DMD: variants seen among roughly 807,000 people sequenced by gnomAD.
The protein encoded by DMD is dystrophin, also known as mutant dystrophin.
Under a neutral mutation model 330.1 loss-of-function variants are expected in DMD, and 63 were observed. The observed-to-expected ratio is 0.19, with a 90% CI of 0.16 to 0.24. The LOEUF (loss-of-function observed/expected upper bound fraction) is 0.24, where lower values mean the gene tolerates loss of function less well. Among genes scored for constraint, DMD ranks in the 10% least tolerant of loss-of-function variants. The pLI is 1.00. For synonymous variants in DMD, 1,223 were observed against 959.8 expected (o/e 1.27, Z -5.07); for missense variants, 3,344 against 2,684.1 (o/e 1.25, Z -5.43).
At chrX:32,133,001 T>TCTTTTC (rs1569545928) in intron 44 of DMD, among the ~76,000 whole-genome samples, 4 of 76,920 alleles carry the variant, frequency 5.2e-5, no homozygotes, top group African/African-American at 2.6e-4. Flanking sequence ...TTCTTTTTTT[T>TCTTTTC]TTTTTTTTTT....
chrX:32,456,903 T>C (rs2098361680), intron 25 of DMD, among the ~76,000 whole-genome samples: 1 of 103,802 alleles, frequency 9.6e-6, no homozygotes, highest in South Asian at 4.5e-4. Flanking sequence ...TGTGGAGGTG[T>C]TGAGTGGGCA....
intron 61 of DMD, chrX:31,348,232 C>G (rs1010209369): frequency 4.8e-5 from 13 of 273,626 alleles, no homozygotes; most frequent in Non-Finnish European, 8.5e-5. Context: ...AATAATGATA[C>G]AGAGAATACT....
intron 7 of DMD, among the ~76,000 whole-genome samples, chrX:32,755,323 AAC>A (rs1393058101): frequency 9.0e-6 from 1 of 111,067 alleles, no homozygotes; most frequent in Non-Finnish European, 1.9e-5. Context: ...AAGGAAAAAA[AAC>A]ACAAAAAACG....
chrX:31,698,859 T>C (rs960505987), intron 52 of DMD, among the ~76,000 whole-genome samples: 1 of 112,010 alleles, frequency 8.9e-6, no homozygotes. Flanking sequence ...TTGCTTTTTC[T>C]CTAAATCCCA....
At chrX:31,580,601 T>C (rs2076297155) in intron 55 of DMD, among the ~76,000 whole-genome samples, 1 of 112,222 alleles carries the variant, frequency 8.9e-6, no homozygotes, top group African/African-American at 3.2e-5. Flanking sequence ...TATACTATTA[T>C]ATATAACTGA....
At chrX:31,474,297 C>T (rs1294766574) in intron 59 of DMD, among the ~76,000 whole-genome samples, 1 of 111,444 alleles carries the variant, frequency 9.0e-6, no homozygotes, top group South Asian at 3.7e-4. Context: ...CACAGAAACA[C>T]ATATTACTTA....
intron 62 of DMD, among the ~76,000 whole-genome samples, chrX:31,317,867 A>G (rs1735597128): frequency 2.7e-5 from 3 of 112,054 alleles, no homozygotes; most frequent in African/African-American, 9.7e-5. Context: ...ATAAGAGCCC[A>G]TCTCATTGTC....
At chrX:31,910,759 C>A (rs1240415060) in intron 47 of DMD, among the ~76,000 whole-genome samples, 1 of 111,441 alleles carries the variant, frequency 9.0e-6, no homozygotes, top group Non-Finnish European at 1.9e-5. Context: ...GGTAGACTTT[C>A]TAAGTGGACC....
chrX:32,811,178 T>TTAAAAAA (rs1363211065), intron 6 of DMD, among the ~76,000 whole-genome samples: 4 of 86,516 alleles, frequency 4.6e-5, no homozygotes, highest in African/African-American at 1.7e-4. Context: ...TACAACTTAT[T>TTAAAAAA]AAAAAAAAAA....
intron 44 of DMD, among the ~76,000 whole-genome samples, chrX:32,049,680 A>C (rs2096092257): frequency 9.0e-6 from 1 of 111,636 alleles, no homozygotes; most frequent in Non-Finnish European, 1.9e-5. Context: ...ATCAGATACC[A>C]TTAAGTGTTT....
chrX:31,266,159 C>CAAAAAAAAAAAAAAAAAAA (rs1174153877), intron 62 of DMD, among the ~76,000 whole-genome samples: 5 of 13,331 alleles, frequency 3.8e-4, no homozygotes, highest in African/African-American at 1.1e-3. Flanking sequence ...TCCCGAAGGG[C>CAAAAAAAAAAAAAAAAAAA]AAAAAAAAAA....
At chrX:33,000,080 T>C (rs956188232) in intron 2 of DMD, among the ~76,000 whole-genome samples, 1 of 112,454 alleles carries the variant, frequency 8.9e-6, no homozygotes, top group Non-Finnish European at 1.9e-5. Flanking sequence ...GTTTATAAGC[T>C]AGACTATTAA....
chrX:32,925,500 A>T (rs943089290), intron 2 of DMD, among the ~76,000 whole-genome samples: 1 of 110,847 alleles, frequency 9.0e-6, no homozygotes, highest in Non-Finnish European at 1.9e-5. Flanking sequence ...GGGCCCCTCA[A>T]GTAACTGGAC....
At chrX:32,393,780 A>T (rs1048415868) in intron 30 of DMD, among the ~76,000 whole-genome samples, 5 of 111,173 alleles carry the variant, frequency 4.5e-5, no homozygotes, top group Non-Finnish European at 9.4e-5. Flanking sequence ...AGAAAAGAAG[A>T]ACTAGAAAAG....
At chrX:31,123,322 TATTA>T (rs1288862198) in intron 78 of DMD, among the ~76,000 whole-genome samples, 2 of 112,140 alleles carry the variant, frequency 1.8e-5, no homozygotes, top group African/African-American at 6.5e-5. Context: ...TTTCATGGAG[TATTA>T]ATTATATTTT....
chrX:33,156,737 G>T (rs939227254), intron 1 of DMD, among the ~76,000 whole-genome samples: 2 of 111,503 alleles, frequency 1.8e-5, no homozygotes. Context: ...ATCGAAATAC[G>T]CTATTATCTG....
intron 25 of DMD, among the ~76,000 whole-genome samples, chrX:32,459,202 A>G (rs1043028048): frequency 1.8e-5 from 2 of 111,150 alleles, no homozygotes; most frequent in East Asian, 5.6e-4. Context: ...GGGCAGAAGG[A>G]AACTTTTGGA....
At chrX:32,805,586 C>T (rs2076892829) in intron 7 of DMD, among the ~76,000 whole-genome samples, 1 of 111,240 alleles carries the variant, frequency 9.0e-6, no homozygotes, top group African/African-American at 3.3e-5. Flanking sequence ...ATACAGAGAA[C>T]ATCCACAAAA....
intron 44 of DMD, among the ~76,000 whole-genome samples, chrX:31,970,471 T>A (rs1177279228): frequency 1.1e-5 from 1 of 90,570 alleles, no homozygotes; most frequent in Non-Finnish European, 2.0e-5. Context: ...TACAGTAGGA[T>A]AAAAAAAAAG....
Sources: allele counts gnomAD v4.1 joint callset (sites outside exome capture counted in the v4.1 genomes callset), GRCh38; gene constraint gnomAD v4.1.1; transcripts MANE v1.5; gene names NCBI Gene and HGNC (gene_info 2026-07-23, HGNC 2026-07-21).